CCL28: variants seen among roughly 807,000 people sequenced by gnomAD.
The protein encoded by CCL28 is C-C motif chemokine ligand 28, also known as C-C motif chemokine 28.
A neutral mutation model predicts 7.1 loss-of-function variants in CCL28; 4 were observed. The ratio of observed to expected loss-of-function variants is 0.56; its 90% CI spans 0.28 to 1.29. CCL28 has a LOEUF of 1.29. CCL28 is among the 50% of genes most tolerant of loss of function. CCL28 has a pLI of 0.11. For synonymous variants in CCL28, 55 were observed against 57.8 expected, an observed-to-expected ratio of 0.95 and a Z score of 0.22; for missense variants, 151 against 163.4, an observed-to-expected ratio of 0.92 and a Z score of 0.41.
At chr5:43,364,330 CAT>C in the CCL28 span, among the ~76,000 whole-genome samples, 164 of 151,720 alleles carry the variant, frequency 1.1e-3, no homozygotes, top group Middle Eastern at 3.4e-3. Context: ...TGTACATGTA[CAT>C]GTGTGTGTAT....
intron 1 of CCL28, among the ~76,000 whole-genome samples, chr5:43,398,099 G>A (rs1740886857): frequency 6.6e-6 from 1 of 152,342 alleles, no homozygotes; most frequent in African/African-American, 2.4e-5. Context: ...AATTCTAGAA[G>A]CATTTATAGG....
intron 1 of CCL28, among the ~76,000 whole-genome samples, chr5:43,394,154 G>A (rs934213521): frequency 2.0e-5 from 3 of 152,128 alleles, no homozygotes; most frequent in African/African-American, 4.8e-5. Context: ...ACATAGGTCT[G>A]CTTCTGGGCT....
chr5:43,368,636 T>C, the CCL28 span, among the ~76,000 whole-genome samples: 1 of 152,208 alleles, frequency 6.6e-6, no homozygotes, highest in Non-Finnish European at 1.5e-5. Context: ...GTTACAGATT[T>C]AATTAGCTAT....
At chr5:43,389,955 G>C (rs1740505602) in intron 1 of CCL28, among the ~76,000 whole-genome samples, 1 of 152,164 alleles carries the variant, frequency 6.6e-6, no homozygotes, top group Non-Finnish European at 1.5e-5. Context: ...TCGCCCCCTA[G>C]AGGTTCCCTC....
the CCL28 span, among the ~76,000 whole-genome samples, chr5:43,368,074 C>G: frequency 6.6e-6 from 1 of 152,182 alleles, no homozygotes; most frequent in African/African-American, 2.4e-5. Context: ...ATTCCAGGCT[C>G]CACCACTTAA....
At chr5:43,363,837 C>T in the CCL28 span, among the ~76,000 whole-genome samples, 1 of 152,156 alleles carries the variant, frequency 6.6e-6, no homozygotes, top group Non-Finnish European at 1.5e-5. Flanking sequence ...TGCTGCTAAC[C>T]CATAAAGGGG....
At chr5:43,363,832 C>T in the CCL28 span, among the ~76,000 whole-genome samples, 3 of 152,186 alleles carry the variant, frequency 2.0e-5, no homozygotes, top group Non-Finnish European at 4.4e-5. Flanking sequence ...GAAACTGCTG[C>T]TAACCCATAA....
chr5:43,390,738 C>T (rs772015053), intron 1 of CCL28, among the ~76,000 whole-genome samples: 64 of 152,188 alleles, frequency 4.2e-4, no homozygotes, highest in Non-Finnish European at 6.8e-4. Flanking sequence ...CAACTTCCCC[C>T]AGACTCTTAG....
Position 43,380,985 on chromosome 5 carries a change from A to G in CCL28, c.*875T>C, listed in dbSNP as rs952793405. 2 of 152,122 alleles carry G rather than the reference A, an allele frequency of 1.3e-5. No homozygotes were observed. Among genetic ancestry groups the G allele is most frequent in the Non-Finnish European group, 2.9e-5 (2 of 68,010 alleles). 9.4% of individuals were successfully genotyped at this position (152,122 alleles called of 1,614,324 possible). ...AGTTGGGAAAATTTGAATATGGAAT[A>G]TATTAGATGAAATTATTAATTTTTT... On this transcript the variant is annotated 3_prime_UTR_variant, in exon 3 of 3. Coordinates refer to ENST00000361115, the MANE Select transcript of CCL28 (RefSeq NM_148672.3).
chr5:43,395,917 A>G (rs1229909184), intron 1 of CCL28, among the ~76,000 whole-genome samples: 1 of 135,198 alleles, frequency 7.4e-6, no homozygotes, highest in South Asian at 2.3e-4. Context: ...TGTTGCCCAG[A>G]CTGGAGTGCA....
chr5:43,400,854 G>T (rs1740997851), intron 1 of CCL28, among the ~76,000 whole-genome samples: 1 of 152,126 alleles, frequency 6.6e-6, no homozygotes, highest in Non-Finnish European at 1.5e-5. Flanking sequence ...GGAGGCCGAG[G>T]TGGGCAGATC....
chr5:43,388,093 A>C, intron 2 of CCL28: 1 of 336,292 alleles, frequency 3.0e-6, no homozygotes, highest in Non-Finnish European at 5.4e-6. Context: ...GACTGGGGGA[A>C]TTTAGTCCTA....
the CCL28 span, among the ~76,000 whole-genome samples, chr5:43,366,969 C>T: frequency 1.3e-5 from 2 of 152,228 alleles, no homozygotes; most frequent in African/African-American, 4.8e-5. Flanking sequence ...GCTTTGTTTA[C>T]ACTGCATTTG....
chr5:43,409,703 T>G (rs534820121), intron 1 of CCL28, among the ~76,000 whole-genome samples: 2 of 152,050 alleles, frequency 1.3e-5, no homozygotes, highest in Non-Finnish European at 2.9e-5. Flanking sequence ...GGGAAGGCAA[T>G]TTGGGACTCA....
At chr5:43,408,881 G>C (rs1430072200) in intron 1 of CCL28, among the ~76,000 whole-genome samples, 1 of 144,770 alleles carries the variant, frequency 6.9e-6, no homozygotes, top group Non-Finnish European at 1.5e-5. Flanking sequence ...TTATTTTTTT[G>C]GTAATTTTTT....
chr5:43,361,822 G>A, the CCL28 span, among the ~76,000 whole-genome samples: 1 of 150,640 alleles, frequency 6.6e-6, no homozygotes, highest in South Asian at 2.1e-4. Flanking sequence ...CCTTATTTCT[G>A]GGCTCTCTAT....
the CCL28 span, among the ~76,000 whole-genome samples, chr5:43,365,004 C>CTT: frequency 4.3e-3 from 479 of 112,698 alleles, 11 homozygotes; most frequent in Middle Eastern, 0.016. Flanking sequence ...GGTCTTGACT[C>CTT]TTTTTTTTTT....
At chr5:43,393,460 T>C (rs976320101) in intron 1 of CCL28, among the ~76,000 whole-genome samples, 1 of 152,026 alleles carries the variant, frequency 6.6e-6, no homozygotes, top group South Asian at 2.1e-4. Context: ...GTTCAAGCGA[T>C]TCTCCTGCCT....
chr5:43,398,536 T>C (rs1214508336), intron 1 of CCL28, among the ~76,000 whole-genome samples: 2 of 152,160 alleles, frequency 1.3e-5, no homozygotes, highest in Non-Finnish European at 2.9e-5. Flanking sequence ...TAGTTACTAG[T>C]CTCTTCTAAT....
Sources: allele counts gnomAD v4.1 joint callset (sites outside exome capture counted in the v4.1 genomes callset), GRCh38; gene constraint gnomAD v4.1.1; transcripts MANE v1.5; gene names NCBI Gene and HGNC (gene_info 2026-07-23, HGNC 2026-07-21).